Variants in COX16 observed in about 807,000 individuals in gnomAD.
The protein encoded by COX16 is cytochrome c oxidase assembly factor COX16.
In COX16, 12 loss-of-function variants were observed where a neutral mutation model predicts 15.4. The observed-to-expected ratio is 0.78, with a 90% CI of 0.50 to 1.26. The LOEUF (loss-of-function observed/expected upper bound fraction) is 1.26, where lower values mean the gene tolerates loss of function less well. Among genes scored for constraint, COX16 ranks in the 50% most tolerant of loss-of-function variants. COX16 has a pLI of 0.00. For missense variants in COX16, 124 were observed against 127.6 expected (o/e 0.97, Z 0.14); for synonymous variants, 46 against 41.1 (o/e 1.12, Z -0.46).
At chr14:70,359,091 T>C in intron 1 of COX16, 1 of 429,448 alleles carries the variant, frequency 2.3e-6, no homozygotes, top group South Asian at 1.7e-5. Context: ...GGAATACATC[T>C]AGTCCCAATG....
At chr14:70,347,134 C>T (rs753066559) in intron 1 of COX16, among the ~76,000 whole-genome samples, 10 of 152,072 alleles carry the variant, frequency 6.6e-5, no homozygotes, top group Non-Finnish European at 1.3e-4. Context: ...AGTATCCCAT[C>T]CCCCAAGCAG....
intron 3 of COX16, among the ~76,000 whole-genome samples, chr14:70,326,685 A>AAAATAG (rs1176668406): frequency 1.3e-5 from 2 of 152,212 alleles, no homozygotes; most frequent in Non-Finnish European, 2.9e-5. Context: ...TAAAACTATT[A>AAAATAG]AAATAGAGAA....
At chr14:70,334,964 TC>T (rs1489344231) in intron 2 of COX16, among the ~76,000 whole-genome samples, 2 of 152,020 alleles carry the variant, frequency 1.3e-5, no homozygotes, top group East Asian at 3.9e-4. Flanking sequence ...GAAACTCACC[TC>T]ATCTATAAAG....
chr14:70,357,728 T>A (rs1887174673), intron 1 of COX16, among the ~76,000 whole-genome samples: 1 of 152,190 alleles, frequency 6.6e-6, no homozygotes, highest in African/African-American at 2.4e-5. Context: ...AGGGTAATAA[T>A]TCAAAAGATG....
At chr14:70,344,152 T>A (rs577292694) in intron 1 of COX16, among the ~76,000 whole-genome samples, 1 of 152,286 alleles carries the variant, frequency 6.6e-6, no homozygotes, top group East Asian at 1.9e-4. Context: ...TCTCAAGAAC[T>A]GATGTTAGGT....
intron 1 of COX16, among the ~76,000 whole-genome samples, chr14:70,358,326 T>C (rs541308171): frequency 6.6e-6 from 1 of 151,180 alleles, no homozygotes; most frequent in South Asian, 2.1e-4. Context: ...TATACTAATA[T>C]ACGAATATAT....
chr14:70,326,790 G>GA (rs1555343811), intron 3 of COX16, among the ~76,000 whole-genome samples: 1 of 151,994 alleles, frequency 6.6e-6, no homozygotes, highest in African/African-American at 2.4e-5. Context: ...CACAGTGACT[G>GA]AAAGGGTTAT....
intron 1 of COX16, among the ~76,000 whole-genome samples, chr14:70,354,707 A>G (rs1887070028): frequency 6.6e-6 from 1 of 152,142 alleles, no homozygotes; most frequent in South Asian, 2.1e-4. Flanking sequence ...AATCATAAGT[A>G]TAGTATTCTC....
chr14:70,331,978 G>C (rs139978254), intron 2 of COX16, among the ~76,000 whole-genome samples: 14 of 152,176 alleles, frequency 9.2e-5, no homozygotes, highest in African/African-American at 3.1e-4. Flanking sequence ...TAGGAAGGTC[G>C]TTTTGAATGC....
chr14:70,349,844 G>A (rs1886893207), intron 1 of COX16, among the ~76,000 whole-genome samples: 1 of 152,102 alleles, frequency 6.6e-6, no homozygotes, highest in Non-Finnish European at 1.5e-5. Flanking sequence ...AGCAAATGAG[G>A]CCATGCCTCT....
chr14:70,347,178 G>A (rs1886809149), intron 1 of COX16, among the ~76,000 whole-genome samples: 2 of 151,862 alleles, frequency 1.3e-5, no homozygotes, highest in Admixed American at 6.6e-5. Flanking sequence ...ATTTCTCGCC[G>A]CCTCACCAGT....
At chr14:70,333,525 T>C (rs1886355161) in intron 2 of COX16, among the ~76,000 whole-genome samples, 1 of 151,662 alleles carries the variant, frequency 6.6e-6, no homozygotes, top group African/African-American at 2.4e-5. Context: ...GATTTGAAAA[T>C]ACACAGTAAG....
intron 2 of COX16, among the ~76,000 whole-genome samples, chr14:70,333,019 G>A (rs1886339001): frequency 6.6e-6 from 1 of 152,092 alleles, no homozygotes; most frequent in South Asian, 2.1e-4. Flanking sequence ...CACTCTCTAG[G>A]GCTGAGGCAG....
In COX16 at chr14:70,359,555, G is replaced by A. The variant is rs747086484; in HGVS notation, c.33C>T (p.Arg11=). The A allele has an allele frequency of 3.1e-6, 5 of 1,613,958 alleles. No individual in the cohort carries two copies. The highest frequency in any genetic ancestry group is 4.2e-6 in the Non-Finnish European group (5 of 1,180,004). The change falls in exon 1 of 4, where the codon CGC becomes CGT. Residue 11 remains arginine (R), a synonymous_variant. Transcript: ENST00000389912. MFAPAVMRAF[R]KNKTLGYGVP... The stretch of plus-strand genomic sequence containing the variant: ...CTCCATAGCCGAGAGTCTTGTTCTT[G>A]CGAAAAGCACGCATCACCGCGGGTG...
chr14:70,354,728 T>C (rs1007269709), intron 1 of COX16, among the ~76,000 whole-genome samples: 1 of 152,164 alleles, frequency 6.6e-6, no homozygotes, highest in Non-Finnish European at 1.5e-5. Flanking sequence ...CTGAGTTCTA[T>C]GAGTAGTTCT....
At chr14:70,350,370 T>C (rs1363525862) in intron 1 of COX16, among the ~76,000 whole-genome samples, 1 of 152,150 alleles carries the variant, frequency 6.6e-6, no homozygotes, top group Non-Finnish European at 1.5e-5. Flanking sequence ...TGACGCCATT[T>C]TAGGCCTCAG....
rs1376570405 is a variant in COX16, at chr14:70,325,233, C to T, written c.*1100G>A. The T allele has an allele frequency of 6.6e-6, 1 of 152,030 alleles. No individual in the cohort carries two copies. Among genetic ancestry groups the T allele is most frequent in the East Asian group, 1.9e-4 (1 of 5,186 alleles). The allele number at this position is 152,030 out of a possible 1,614,324, so 9.4% of individuals were successfully genotyped here. ...TAGGCAACTAGAACTCAGCATGAAACCAGAAGGTAGAAGCTGATAAAGGCA... is the reference window on the plus strand; with the variant it reads ...TAGGCAACTAGAACTCAGCATGAAATCAGAAGGTAGAAGCTGATAAAGGCA... On this transcript the variant is annotated 3_prime_UTR_variant, in exon 4 of 4. Coordinates refer to ENST00000389912, the MANE Select transcript of COX16 (RefSeq NM_016468.7).
chr14:70,335,043 CA>C lies in COX16; in HGVS notation c.142-5808del, dbSNP rs777221826. ...ATGGAAATGAAAACCAAAAAAAGAA[CA>C]GAAGTAGCTATACTTATATCAGATA... On this transcript the variant is annotated intron_variant, in intron 2 of 3. Transcript: ENST00000389912. Among the ~76,000 whole-genome samples, 7 of 152,048 alleles carry C rather than the reference CA, an allele frequency of 4.6e-5. No individual in the cohort carries two copies. In the East Asian group the frequency reaches 1.2e-3, roughly 25 times the overall value.
chr14:70,336,916 A>G (rs1384933684), intron 2 of COX16, among the ~76,000 whole-genome samples: 2 of 152,232 alleles, frequency 1.3e-5, no homozygotes, highest in East Asian at 1.9e-4. Context: ...ATCAACCAAA[A>G]AATGCTATTA....
Sources: allele counts gnomAD v4.1 joint callset (sites outside exome capture counted in the v4.1 genomes callset), GRCh38; gene constraint gnomAD v4.1.1; transcripts MANE v1.5; gene names NCBI Gene and HGNC (gene_info 2026-07-23, HGNC 2026-07-21).